The following FAM153A variants were observed in gnomAD, a reference collection of about 807,000 sequenced individuals.
FAM153A encodes the protein protein FAM153A.
Under a neutral mutation model 48.1 loss-of-function variants are expected in FAM153A, and 12 were observed. That is an observed-to-expected ratio of 0.25 (90% CI 0.16 to 0.40). The LOEUF is 0.40. Among genes scored for constraint, FAM153A ranks in the 10% least tolerant of loss-of-function variants. FAM153A has a pLI of 1.00. For missense variants in FAM153A, 111 were observed against 345.8 expected, an observed-to-expected ratio of 0.32 and a Z score of 5.38; for synonymous variants, 36 against 118.2, an observed-to-expected ratio of 0.30 and a Z score of 4.51.
chr5:177,761,120 T>C (rs1768272794), intron 1 of FAM153A, among the ~76,000 whole-genome samples: 1 of 150,198 alleles, frequency 6.7e-6, no homozygotes, highest in South Asian at 2.1e-4. Flanking sequence ...GAACTTGGGC[T>C]TGGCTGGAGA....
At chr5:177,724,494 C>T in intron 19 of FAM153A, 132 bp from the exon 22 acceptor site, 1 of 634,958 alleles carries the variant, frequency 1.6e-6, no homozygotes, top group South Asian at 2.0e-5. Flanking sequence ...TCCAGCTCTT[C>T]TGACCCCAGC....
chr5:177,695,043 C>A, the FAM153A span, among the ~76,000 whole-genome samples: 1 of 147,100 alleles, frequency 6.8e-6, no homozygotes, highest in Admixed American at 6.7e-5. Flanking sequence ...TATGCCTCAG[C>A]CTCCCAAGTA....
intron 1 of FAM153A, among the ~76,000 whole-genome samples, chr5:177,758,457 C>T (rs1264417396): frequency 2.1e-5 from 3 of 146,150 alleles, no homozygotes; most frequent in Admixed American, 6.8e-5. Flanking sequence ...ACTTTCTTCA[C>T]TGAATTGGAA....
At chr5:177,732,510 CTT>C (rs1163859069) in intron 14 of FAM153A, among the ~76,000 whole-genome samples, 4 of 72,224 alleles carry the variant, frequency 5.5e-5, no homozygotes, top group South Asian at 5.5e-4. Flanking sequence ...CCAGAACTTG[CTT>C]TTTTTTTTTT....
chr5:177,761,041 A>G (rs1473254514), intron 1 of FAM153A, among the ~76,000 whole-genome samples: 4 of 151,820 alleles, frequency 2.6e-5, no homozygotes, highest in Non-Finnish European at 4.4e-5. Context: ...AAGTCTTATG[A>G]AGCGGGACTG....
chr5:177,708,438 G>A (rs185907571), downstream of FAM153A, among the ~76,000 whole-genome samples: 2,626 of 151,048 alleles, frequency 0.017, 37 homozygotes, highest in Non-Finnish European at 0.024. Context: ...TTAGCCAGGC[G>A]TGGTGGCACA....
chr5:177,699,808 ACT>A, the FAM153A span, among the ~76,000 whole-genome samples: 1 of 151,822 alleles, frequency 6.6e-6, no homozygotes, highest in African/African-American at 2.4e-5. Flanking sequence ...TTGTTCATAA[ACT>A]CTTCCATAAG....
chr5:177,700,698 A>T, the FAM153A span, among the ~76,000 whole-genome samples: 8 of 151,798 alleles, frequency 5.3e-5, no homozygotes, highest in African/African-American at 1.7e-4. Context: ...GCTACTCAGG[A>T]GGCTGAGGCA....
chr5:177,711,297 A>C (rs6601075), exon 27 of FAM153A: 3 of 151,696 alleles, frequency 2.0e-5, no homozygotes, highest in African/African-American at 7.3e-5. Context: ...CACCACAACA[A>C]TAAGAATAAT....
rs552351298 is a variant in FAM153A at position 177,735,123 on chromosome 5, T to C, written c.665-190A>G. 6.9e-4 allele frequency among the ~76,000 whole-genome samples: 84 copies of C among 121,032 alleles called. 4 individuals are homozygous for C. Among genetic ancestry groups the C allele is most frequent in the African/African-American group, 2.2e-3 (82 of 36,692 alleles). 79.4% of individuals were successfully genotyped at this position (121,032 alleles called of 152,430 possible). A position where few individuals can be genotyped will look rare whatever the true frequency, so the allele number is the denominator to read the frequency against. On this transcript the variant is annotated intron_variant, in intron 12 of 20. Coordinates refer to ENST00000614127, the Ensembl canonical transcript of FAM153A. ...ACATATAATAGCCAATCTCAAACAG[T>C]GCACACCACGCAGTGCAGGCTGTGT...
the FAM153A span, among the ~76,000 whole-genome samples, chr5:177,701,574 G>A: frequency 2.2e-5 from 3 of 136,944 alleles, no homozygotes; most frequent in African/African-American, 8.3e-5. Context: ...AAAATAAATA[G>A]ATAAATTTTA....
Position 177,716,173 on chromosome 5 carries a change from G to A in FAM153A, c.*1222+172C>T, listed in dbSNP as rs185797191. 7.5e-4 allele frequency among the ~76,000 whole-genome samples: 114 copies of A among 151,360 alleles called. 3 individuals are homozygous for A. Among genetic ancestry groups the A allele is most frequent in the African/African-American group, 2.7e-3 (109 of 40,910 alleles). On this transcript the variant is annotated intron_variant and NMD_transcript_variant, in intron 25 of 26. Transcript: ENST00000360669. ...TAATTTTCGTGTTTTTAGTAGAGAT[G>A]GGGTTTCACCATGTTGGCCAGGATG...
At chr5:177,701,896 C>G in the FAM153A span, among the ~76,000 whole-genome samples, 1 of 128,518 alleles carries the variant, frequency 7.8e-6, no homozygotes, top group Non-Finnish European at 1.6e-5. Context: ...TTGATGGGAA[C>G]TGGAGCAAAG....
intron 1 of FAM153A, among the ~76,000 whole-genome samples, chr5:177,765,368 G>A (rs1158198893): frequency 1.9e-5 from 2 of 106,968 alleles, no homozygotes; most frequent in African/African-American, 7.3e-5. Flanking sequence ...ATGAACACCC[G>A]GGCTATGCCC....
chr5:177,768,835 G>A (rs1253844189), intron 1 of FAM153A, among the ~76,000 whole-genome samples: 2 of 113,078 alleles, frequency 1.8e-5, no homozygotes, highest in East Asian at 5.1e-4. Flanking sequence ...GTACCCTGCC[G>A]CCAACATCAA....
chr5:177,734,795 A>C (rs1188469302), intron 13 of FAM153A, 68 bp downstream of exon 15: 1 of 1,609,316 alleles, frequency 6.2e-7, no homozygotes, highest in African/African-American at 1.4e-5. Flanking sequence ...TCATATCTTA[A>C]TTTAATCCAA....
At chr5:177,763,830 T>C (rs1768498476) in intron 1 of FAM153A, among the ~76,000 whole-genome samples, 1 of 149,646 alleles carries the variant, frequency 6.7e-6, no homozygotes, top group East Asian at 2.0e-4. Flanking sequence ...TGAACACTGG[T>C]CTGGCCCACT....
At chr5:177,748,964 G>A (rs1766446441) in intron 2 of FAM153A, among the ~76,000 whole-genome samples, 1 of 145,734 alleles carries the variant, frequency 6.9e-6, no homozygotes, top group Non-Finnish European at 1.5e-5. Flanking sequence ...GCACACAAAT[G>A]CACTGCTGAT....
At chr5:177,698,090 G>A in the FAM153A span, among the ~76,000 whole-genome samples, 4 of 151,598 alleles carry the variant, frequency 2.6e-5, no homozygotes, top group Non-Finnish European at 4.4e-5. Context: ...CCCCAGGGCT[G>A]GGTATTAGCA....
Sources: gnomAD v4.1 joint callset for allele counts (sites outside exome capture counted in the v4.1 genomes callset) on GRCh38, gnomAD v4.1.1 for gene constraint, MANE v1.5 for transcripts, NCBI Gene and HGNC (gene_info 2026-07-23, HGNC 2026-07-21) for gene names.